COL23A1: variants seen among roughly 807,000 people sequenced by gnomAD.
COL23A1 encodes the protein collagen alpha-1(XXIII) chain.
In COL23A1, 97 loss-of-function variants were observed where a neutral mutation model predicts 99.3. The observed-to-expected ratio is 0.98, with a 90% confidence interval of 0.83 to 1.16. The LOEUF (loss-of-function observed/expected upper bound fraction) is 1.16, where lower values mean the gene tolerates loss of function less well. Ranked by LOEUF, COL23A1 falls within the 50% of genes most tolerant of loss-of-function variation. The probability of loss-of-function intolerance (pLI) is 0.00; values close to 1 mark genes in which losing one functional copy is unlikely to be tolerated. For synonymous variants in COL23A1, 320 were observed against 308.2 expected (o/e 1.04, Z -0.40); for missense variants, 762 against 757.4 (o/e 1.01, Z -0.07).
intron 2 of COL23A1, among the ~76,000 whole-genome samples, chr5:178,420,998 G>A (rs779593095): frequency 4.6e-5 from 7 of 151,928 alleles, no homozygotes; most frequent in South Asian, 4.1e-4. Flanking sequence ...CCAGGGAGCC[G>A]CAGGGCCCAG....
At chr5:178,393,818 G>A (rs1047755415) in intron 2 of COL23A1, among the ~76,000 whole-genome samples, 8 of 151,964 alleles carry the variant, frequency 5.3e-5, no homozygotes, top group Non-Finnish European at 8.8e-5. Context: ...GTACAGATGG[G>A]GTTTCACCAT....
intron 2 of COL23A1, among the ~76,000 whole-genome samples, chr5:178,402,299 T>C (rs1234134807): frequency 6.6e-6 from 1 of 152,032 alleles, no homozygotes; most frequent in Non-Finnish European, 1.5e-5. Context: ...GAGGCCAGCC[T>C]GGACAATGTG....
At chr5:178,554,112 A>T (rs1484424026) in intron 2 of COL23A1, among the ~76,000 whole-genome samples, 1 of 152,048 alleles carries the variant, frequency 6.6e-6, no homozygotes, top group East Asian at 1.9e-4. Flanking sequence ...CACGCAGCCT[A>T]GATGGGAAGT....
chr5:178,532,552 ATTACT>A (rs1760707098), intron 2 of COL23A1, among the ~76,000 whole-genome samples: 1 of 152,158 alleles, frequency 6.6e-6, no homozygotes. Context: ...GCGAGGGGCT[ATTACT>A]GTTCCCATTT....
intron 2 of COL23A1, among the ~76,000 whole-genome samples, chr5:178,558,820 G>C (rs933043032): frequency 5.9e-4 from 88 of 148,254 alleles, no homozygotes; most frequent in African/African-American, 2.1e-3. Flanking sequence ...ATGGAGTCTC[G>C]CTCTGTCACC....
At chr5:178,479,042 G>T (rs1010722780) in intron 2 of COL23A1, among the ~76,000 whole-genome samples, 1 of 152,014 alleles carries the variant, frequency 6.6e-6, no homozygotes, top group Non-Finnish European at 1.5e-5. Context: ...AGACAGCCAT[G>T]TGCCAGGGCA....
intron 2 of COL23A1, among the ~76,000 whole-genome samples, chr5:178,479,715 A>G (rs933640680): frequency 6.6e-6 from 1 of 152,106 alleles, no homozygotes; most frequent in African/African-American, 2.4e-5. Flanking sequence ...TGCAGGAAGG[A>G]AAAAAAAGCC....
At position 178,400,138 on chromosome 5, in the gene COL23A1, G is replaced by A. The variant is rs181913209; in HGVS notation, c.362-93219C>T. Among the ~76,000 whole-genome samples, 525 of 152,168 alleles carry A rather than the reference G, an allele frequency of 3.5e-3. 4 individuals carry two copies. Among genetic ancestry groups the A allele is most frequent in the Admixed American group, 0.027 (410 of 15,282 alleles). On this transcript the variant is annotated intron_variant, in intron 2 of 28. Coordinates refer to ENST00000390654, the MANE Select transcript of COL23A1 (RefSeq NM_173465.4). ...TCCCAGCACTTTGGGAGGCTGAGGC[G>A]GGTGGATCATGAGGTCAGGAGATCG...
intron 1 of COL23A1, chr5:178,562,736 T>TGGGGGGGGGGGGGGGGGGG (rs569933780): frequency 2.8e-5 from 3 of 106,818 alleles, no homozygotes; most frequent in African/African-American, 1.5e-4. Context: ...TGGCTGGTGG[T>TGGGGGGGGGGGGGGGGGGG]GGGGGGGGTG....
chr5:178,372,930 C>CTTTT (rs1183891249), intron 2 of COL23A1, among the ~76,000 whole-genome samples: 4 of 58,874 alleles, frequency 6.8e-5, no homozygotes, highest in Non-Finnish European at 9.1e-5. Flanking sequence ...CTTTTTCTTT[C>CTTTT]TTTTTTTTTT....
intron 2 of COL23A1, among the ~76,000 whole-genome samples, chr5:178,383,552 T>C (rs778584852): frequency 5.3e-5 from 8 of 152,226 alleles, no homozygotes; most frequent in Non-Finnish European, 1.0e-4. Context: ...CTCCAGGGAC[T>C]CAGCCCCAGA....
chr5:178,414,688 C>G (rs1765215135), intron 2 of COL23A1, among the ~76,000 whole-genome samples: 1 of 152,180 alleles, frequency 6.6e-6, no homozygotes, highest in South Asian at 2.1e-4. Context: ...AGGAGAATCA[C>G]TTGAACCCGG....
chr5:178,539,820 C>T (rs1175643576), intron 2 of COL23A1, among the ~76,000 whole-genome samples: 1 of 152,140 alleles, frequency 6.6e-6, no homozygotes, highest in East Asian at 1.9e-4. Context: ...CACAGAAGAA[C>T]ACATATTAGA....
intron 8 of COL23A1, among the ~76,000 whole-genome samples, 170 bp downstream of exon 8, chr5:178,267,137 A>G (rs956394341): frequency 1.3e-5 from 2 of 152,100 alleles, no homozygotes; most frequent in African/African-American, 4.8e-5. Flanking sequence ...CAGCCCCACA[A>G]CCCAGGTCCC....
At chr5:178,456,113 G>A (rs1415829695) in intron 2 of COL23A1, among the ~76,000 whole-genome samples, 1 of 152,146 alleles carries the variant, frequency 6.6e-6, no homozygotes, top group Non-Finnish European at 1.5e-5. Context: ...TTCTGCAGAT[G>A]GTGTTAGAAC....
intron 19 of COL23A1, among the ~76,000 whole-genome samples, chr5:178,248,462 C>T (rs530400337): frequency 6.6e-6 from 1 of 152,320 alleles, no homozygotes; most frequent in South Asian, 2.1e-4. Context: ...AGCAGCCGCA[C>T]ACATTGTTTT....
chr5:178,473,810 CT>C (rs1226919716), intron 2 of COL23A1, among the ~76,000 whole-genome samples: 3 of 152,142 alleles, frequency 2.0e-5, no homozygotes, highest in Non-Finnish European at 4.4e-5. Flanking sequence ...TCCAGCACCC[CT>C]ATGGGGTTTT....
At chr5:178,587,617 A>G (rs1395121223) in intron 1 of COL23A1, among the ~76,000 whole-genome samples, 1 of 152,248 alleles carries the variant, frequency 6.6e-6, no homozygotes, top group African/African-American at 2.4e-5. Context: ...AGAACAAATC[A>G]GAACTGAAAA....
At chr5:178,571,982 G>A (rs1763125212) in intron 1 of COL23A1, among the ~76,000 whole-genome samples, 1 of 151,032 alleles carries the variant, frequency 6.6e-6, no homozygotes, top group Non-Finnish European at 1.5e-5. Flanking sequence ...GCAGGAGAAT[G>A]GCGTGAACCT....
Sources: allele counts gnomAD v4.1 joint callset (sites outside exome capture counted in the v4.1 genomes callset), GRCh38; gene constraint gnomAD v4.1.1; transcripts MANE v1.5; gene names NCBI Gene and HGNC (gene_info 2026-07-23, HGNC 2026-07-21).